The following AKAP13 variants were observed in gnomAD, a reference collection of about 807,000 sequenced individuals.
AKAP13 encodes A-kinase anchoring protein 13.
A neutral mutation model predicts 264.5 loss-of-function variants in AKAP13; 80 were observed. The observed-to-expected ratio is 0.30, with a 90% CI of 0.25 to 0.36. The LOEUF is 0.36. Ranked by LOEUF, AKAP13 falls within the 10% of genes least tolerant of loss-of-function variation. The probability of loss-of-function intolerance (pLI) is 1.00; values close to 1 mark genes in which losing one functional copy is unlikely to be tolerated. For missense variants in AKAP13, 3,712 were observed against 3,435.2 expected (o/e 1.08, Z -2.01); for synonymous variants, 1,380 against 1,250.2 (o/e 1.10, Z -2.19).
At chr15:85,714,562 C>G (rs2086812422) in intron 19 of AKAP13, among the ~76,000 whole-genome samples, 2 of 152,210 alleles carry the variant, frequency 1.3e-5, no homozygotes, top group Non-Finnish European at 2.9e-5. Context: ...CCCTAGAAGA[C>G]AAGGGGGGCT....
chr15:85,640,010 C>A (rs888387180), intron 9 of AKAP13, among the ~76,000 whole-genome samples: 6 of 152,190 alleles, frequency 3.9e-5, no homozygotes, highest in Admixed American at 3.9e-4. Context: ...CCTAACAACA[C>A]TTGAGGGTAC....
chr15:85,662,154 A>G (rs530451854), intron 12 of AKAP13, among the ~76,000 whole-genome samples: 39 of 152,352 alleles, frequency 2.6e-4, no homozygotes, highest in Admixed American at 4.6e-4. Context: ...ACTGTAAAGA[A>G]CCCACAGTCT....
At chr15:85,673,652 CCCTT>C (rs2084040721) in intron 14 of AKAP13, among the ~76,000 whole-genome samples, 1 of 143,442 alleles carries the variant, frequency 7.0e-6, no homozygotes, top group Admixed American at 6.9e-5. Context: ...TACAGATGAT[CCCTT>C]TCTTTCTTTC....
chr15:85,601,647 TG>T (rs1417831047), intron 8 of AKAP13, among the ~76,000 whole-genome samples: 8 of 151,576 alleles, frequency 5.3e-5, no homozygotes, highest in African/African-American at 1.9e-4. Flanking sequence ...TGTGTGTGTG[TG>T]TTTTTCTTCC....
Position 85,581,831 on chromosome 15 carries a change from A to T in AKAP13, c.3763A>T (p.Ile1255Leu). The change falls in exon 7 of 37, where the codon ATA becomes TTA. Residue 1255 changes from isoleucine (I) to leucine (L), a missense_variant. Ile to Leu is a conservative substitution (Grantham distance 5). This residue lies in a region of AKAP13 where 2,759 missense variants were observed against 2,411.7 expected (regional missense o/e 1.14). Transcript: ENST00000394518. ...CTTGATAGAGGAGGCTGCCAGCCGT[A>T]TAGTGGATGCTGTCATCGAACAAGT... The part of the protein sequence containing the change: ...ADLIEEAASR[I>L]VDAVIEQVKA... The T allele has an allele frequency of 2.5e-6, 4 of 1,614,202 alleles. No homozygotes were observed. The highest frequency in any genetic ancestry group is 3.4e-6 in the Non-Finnish European group (4 of 1,180,018).
chr15:85,682,832 T>A (rs2151606299), intron 15 of AKAP13, among the ~76,000 whole-genome samples: 1 of 152,280 alleles, frequency 6.6e-6, no homozygotes, highest in Non-Finnish European at 1.5e-5. Flanking sequence ...CATGCCCAGC[T>A]AATTTTGTAT....
At chr15:85,738,056 G>A (rs559886015) in intron 33 of AKAP13, among the ~76,000 whole-genome samples, 83 of 152,284 alleles carry the variant, frequency 5.5e-4, no homozygotes, top group African/African-American at 1.9e-3. Context: ...CACTATAAAT[G>A]CTTAGCTAGA....
At chr15:85,459,207 C>G (rs189031369) in intron 1 of AKAP13, among the ~76,000 whole-genome samples, 1 of 152,210 alleles carries the variant, frequency 6.6e-6, no homozygotes, top group African/African-American at 2.4e-5. Context: ...CTTTTTCTTT[C>G]CTTCGTCTCA....
At chr15:85,478,741 T>C (rs1053732612) in intron 1 of AKAP13, among the ~76,000 whole-genome samples, 9 of 152,016 alleles carry the variant, frequency 5.9e-5, no homozygotes, top group Non-Finnish European at 1.5e-5. Flanking sequence ...GCTCAGTGCT[T>C]TGTGTTTTGT....
chr15:85,409,807 A>G (rs1209064594), intron 1 of AKAP13, among the ~76,000 whole-genome samples: 2 of 150,554 alleles, frequency 1.3e-5, no homozygotes, highest in East Asian at 3.9e-4. Flanking sequence ...ATTTTCTTGT[A>G]TTTTTAGTAG....
At chr15:85,723,432 A>C (rs2087414103) in intron 26 of AKAP13, 112 bp downstream of exon 26, 1 of 1,439,954 alleles carries the variant, frequency 6.9e-7, no homozygotes, top group Non-Finnish European at 9.4e-7. Flanking sequence ...GCCCATCTCT[A>C]AACACTACCC....
At chr15:85,630,985 C>T (rs953765866) in intron 8 of AKAP13, among the ~76,000 whole-genome samples, 4 of 151,650 alleles carry the variant, frequency 2.6e-5, no homozygotes, top group Non-Finnish European at 5.9e-5. Flanking sequence ...CAGCATCATT[C>T]GTCACAGTCA....
rs1257701244 is a variant in AKAP13 at position 85,658,440 on chromosome 15, A to G, written c.4746-97A>G. The G allele has an allele frequency of 5.1e-6, 5 of 976,512 alleles. No individual in the cohort carries two copies. The South Asian group carries it at 6.4e-5, about 13-fold the overall frequency. The allele number at this position is 976,512 out of a possible 1,614,324, so 60.5% of individuals were successfully genotyped here. ...TTGCCTGTGCCATTTCTCTTTGAGC[A>G]GTGTCTCTCTCCCCAGTGTGGTGTC... On this transcript the variant is annotated intron_variant, in intron 11 of 36. Coordinates refer to ENST00000394518, the MANE Select transcript of AKAP13 (RefSeq NM_007200.5).
chr15:85,656,852 T>G (rs2083121812), intron 11 of AKAP13, among the ~76,000 whole-genome samples: 4 of 152,206 alleles, frequency 2.6e-5, no homozygotes, highest in Admixed American at 2.6e-4. Flanking sequence ...AGAGTGTGCT[T>G]ATTCCAAAGC....
intron 1 of AKAP13, among the ~76,000 whole-genome samples, chr15:85,485,387 G>C (rs2075502963): frequency 6.6e-6 from 1 of 152,214 alleles, no homozygotes; most frequent in Non-Finnish European, 1.5e-5. Flanking sequence ...AAAAATGTAA[G>C]TGAACATACA....
rs893343357 is a variant in AKAP13 at position 85,688,046 on chromosome 15, AAAAG to A, written c.5289+3175_5289+3178del. Among the ~76,000 whole-genome samples, 14 of 151,206 alleles carry A rather than the reference AAAAG, an allele frequency of 9.3e-5. No homozygotes were observed. In the East Asian group the frequency reaches 1.4e-3, roughly 15 times the overall value. On this transcript the variant is annotated intron_variant, in intron 16 of 36. Transcript: ENST00000394518. ...CCCTGTCTCTTAAAAAAAAAAAAAAAAAAGAGAGAGAGAGGAAAGAAATAGGGGA... is the reference window on the plus strand; with the variant it reads ...CCCTGTCTCTTAAAAAAAAAAAAAAAAGAGAGAGAGGAAAGAAATAGGGGA...
chr15:85,420,649 T>A (rs2072479198), intron 1 of AKAP13, among the ~76,000 whole-genome samples: 1 of 152,258 alleles, frequency 6.6e-6, no homozygotes. Context: ...AGGGTAAAAG[T>A]GTGGGGACCA....
At position 85,511,051 on chromosome 15, in the gene AKAP13, GA is replaced by G. The variant is rs57305048; in HGVS notation, c.34-10367del. On this transcript the variant is annotated intron_variant, in intron 2 of 36. Coordinates refer to ENST00000394518, the MANE Select transcript of AKAP13 (RefSeq NM_007200.5). Reference sequence around the variant, plus strand: ...ATGAAAAAACCCATTTAAGGCTAGAGAAAAAAAAAATTTCTGAGTTTGTTGC... The same window carrying G: ...ATGAAAAAACCCATTTAAGGCTAGAGAAAAAAAAATTTCTGAGTTTGTTGC... Among the ~76,000 whole-genome samples the G allele has an allele frequency of 5.1e-3, 764 of 150,550 alleles. 10 individuals are homozygous for G. The highest frequency in any genetic ancestry group is 0.014 in the African/African-American group (555 of 41,076).
In AKAP13 at chr15:85,744,900, G is replaced by A. The variant is rs868233519; in HGVS notation, c.*223G>A. On this transcript the variant is annotated 3_prime_UTR_variant, in exon 37 of 37. Coordinates refer to ENST00000394518, the MANE Select transcript of AKAP13 (RefSeq NM_007200.5). ...TTCGGCCATGATTTGTGACTGCCCA[G>A]GACTCTCAGGTTGGGCTGGCCCTAC... 86 of 481,654 alleles carry A rather than the reference G, an allele frequency of 1.8e-4. 1 individual carries two copies. The highest frequency in any genetic ancestry group is 1.1e-3 in the Middle Eastern group (2 of 1,876). The allele number at this position is 481,654 out of a possible 1,614,324, so 29.8% of individuals were successfully genotyped here.
Sources: allele counts gnomAD v4.1 joint callset (sites outside exome capture counted in the v4.1 genomes callset), GRCh38; gene constraint gnomAD v4.1.1; regional missense constraint gnomAD v4.1.1; transcripts MANE v1.5; gene names NCBI Gene and HGNC (gene_info 2026-07-23, HGNC 2026-07-21).